The following LETM1 variants were observed in gnomAD, a reference collection of about 807,000 sequenced individuals.
The protein encoded by LETM1 is leucine zipper and EF-hand containing transmembrane protein 1.
In LETM1, 50 loss-of-function variants were observed where a neutral mutation model predicts 74.5. That is an observed-to-expected ratio of 0.67 (90% CI 0.53 to 0.85). The LOEUF (loss-of-function observed/expected upper bound fraction) is 0.85, where lower values mean the gene tolerates loss of function less well. Among genes scored for constraint, LETM1 ranks in the 40% least tolerant of loss-of-function variants. The probability of loss-of-function intolerance (pLI) is 0.00; values close to 1 mark genes in which losing one functional copy is unlikely to be tolerated. For missense variants in LETM1, 824 were observed against 967.8 expected (o/e 0.85, Z 1.97); for synonymous variants, 446 against 407.1 (o/e 1.10, Z -1.15).
Position 1,836,351 on chromosome 4 carries a change from GAA to G in LETM1, c.738+76_738+77del, listed in dbSNP as rs1438315948. On this transcript the variant is annotated intron_variant, in intron 4 of 13. Transcript: ENST00000302787. This position sits in a 1 kb window ranked among gnomAD's most constrained non-coding sequence, Gnocchi z 5.8. ...AAAGTCTCAAAAATATCTAGCACCT[GAA>G]AAGTCACAAACAAGGAAGCCATCAC... 1 of 1,462,034 alleles carries G rather than the reference GAA, an allele frequency of 6.8e-7. No individual in the cohort carries two copies. The allele number at this position is 1,462,034 out of a possible 1,614,324, so 90.6% of individuals were successfully genotyped here. A position where few individuals can be genotyped will look rare whatever the true frequency, so the allele number is the denominator to read the frequency against.
intron 5 of LETM1, 49 bp from the exon 6 acceptor site, chr4:1,832,996 C>G (rs75078419): frequency 3.2e-6 from 5 of 1,569,912 alleles, no homozygotes; most frequent in South Asian, 1.1e-5. Context: ...GCCCACCCGG[C>G]TCCCTCCCAC....
chr4:1,815,344 G>A (rs749267116), intron 13 of LETM1, among the ~76,000 whole-genome samples: 33 of 152,260 alleles, frequency 2.2e-4, no homozygotes, highest in South Asian at 6.2e-4. Flanking sequence ...GCCCCTCAGC[G>A]TCGGGGGCCC....
chr4:1,841,421 C>T lies in LETM1; in HGVS notation c.520G>A (p.Asp174Asn), dbSNP rs1465591490. 1.9e-6 allele frequency: 3 copies of T among 1,614,090 alleles called. No individual in the cohort carries two copies. The highest frequency in any genetic ancestry group is 1.7e-5 in the Admixed American group (1 of 60,014). The change falls in exon 3 of 14, where the codon GAC becomes AAC. Residue 174 changes from aspartate to asparagine, a missense_variant. Coordinates refer to ENST00000302787, the MANE Select transcript of LETM1 (RefSeq NM_012318.3). ...AGCATGCGTGCCGCGATCTTGGTGTCGATCCATAGCAGGCGGAAGCCATGG... is the reference window on the plus strand; with the variant it reads ...AGCATGCGTGCCGCGATCTTGGTGTTGATCCATAGCAGGCGGAAGCCATGG... ...YYHGFRLLWI[D>N]TKIAARMLWR...
intron 1 of LETM1, among the ~76,000 whole-genome samples, chr4:1,851,493 C>T (rs1393131632): frequency 6.6e-6 from 1 of 152,208 alleles, no homozygotes; most frequent in Non-Finnish European, 1.5e-5. Context: ...AAGGAAATTC[C>T]TACTACGTGC....
Position 1,836,358 on chromosome 4 carries a change from C to G in LETM1, c.738+71G>C. 1 of 1,519,736 alleles carries G rather than the reference C, an allele frequency of 6.6e-7. No individual in the cohort carries two copies. Among genetic ancestry groups the G allele is most frequent in the South Asian group, 1.1e-5 (1 of 88,438 alleles). The allele number at this position is 1,519,736 out of a possible 1,614,324, so 94.1% of individuals were successfully genotyped here. A position where few individuals can be genotyped will look rare whatever the true frequency, so the allele number is the denominator to read the frequency against. On this transcript the variant is annotated intron_variant, in intron 4 of 13. Transcript: ENST00000302787. The surrounding 1 kb of genome is among the most constrained non-coding windows in gnomAD (Gnocchi z 5.8). ...CAAAAATATCTAGCACCTGAAAAGT[C>G]ACAAACAAGGAAGCCATCACAATGA...
At chr4:1,854,313 C>G (rs1489354426) in intron 1 of LETM1, among the ~76,000 whole-genome samples, 1 of 148,258 alleles carries the variant, frequency 6.7e-6, no homozygotes, top group East Asian at 2.0e-4. Context: ...AACCCCATCT[C>G]TACTAAAAAT....
chr4:1,829,324 G>A (rs1175092764), intron 6 of LETM1, among the ~76,000 whole-genome samples: 11 of 147,520 alleles, frequency 7.5e-5, no homozygotes, highest in South Asian at 4.3e-4. Flanking sequence ...CCTCCCAGAC[G>A]GGGCGGCTGG....
At chr4:1,842,307 G>C (rs1029332349) in intron 2 of LETM1, among the ~76,000 whole-genome samples, 18 of 152,122 alleles carry the variant, frequency 1.2e-4, no homozygotes, top group Non-Finnish European at 1.8e-4. Context: ...CTCTACACTA[G>C]CTGCCCGCAG....
intron 1 of LETM1, among the ~76,000 whole-genome samples, chr4:1,853,901 T>C (rs1450451919): frequency 6.6e-6 from 1 of 152,236 alleles, no homozygotes; most frequent in Non-Finnish European, 1.5e-5. Context: ...CCAGTGTCCC[T>C]GTCACAAAGC....
At chr4:1,840,406 G>A (rs974097394) in intron 3 of LETM1, among the ~76,000 whole-genome samples, 56 of 151,668 alleles carry the variant, frequency 3.7e-4, no homozygotes, top group Admixed American at 2.2e-3. Flanking sequence ...GGTGGTTCAC[G>A]CCTGTAATCC....
chr4:1,815,514 T>G lies in LETM1; in HGVS notation c.2070+150A>C, dbSNP rs113132601. 44 of 717,690 alleles carry G rather than the reference T, an allele frequency of 6.1e-5. No individual in the cohort carries two copies. In the African/African-American group the frequency reaches 7.5e-4, roughly 12 times the overall value. 44.5% of individuals were successfully genotyped at this position (717,690 alleles called of 1,614,324 possible). ...GATGTTTCAAATGAGAGCAGCGGCTTAAAGGAGCAGTCGCAGTGACAGACC... is the reference window on the plus strand; with the variant it reads ...GATGTTTCAAATGAGAGCAGCGGCTGAAAGGAGCAGTCGCAGTGACAGACC... On this transcript the variant is annotated intron_variant, in intron 13 of 13. Transcript: ENST00000302787.
At chr4:1,852,996 T>A (rs1476599428) in intron 1 of LETM1, among the ~76,000 whole-genome samples, 1 of 152,180 alleles carries the variant, frequency 6.6e-6, no homozygotes, top group East Asian at 1.9e-4. Context: ...AGAGCCTCCC[T>A]ACCTGACCTC....
At position 1,813,935 on chromosome 4, in the gene LETM1, T is replaced by G; in HGVS notation, c.*489A>C. ...AAAGTGTGCAGGAAGACAGGTCTAT[T>G]GACACTGAAATCTAGAAATCAAGGT... On this transcript the variant is annotated 3_prime_UTR_variant, in exon 14 of 14. Transcript: ENST00000302787. 1 of 177,680 alleles carries G rather than the reference T, an allele frequency of 5.6e-6. No homozygotes were observed. The highest frequency in any genetic ancestry group is 5.4e-5 in the Admixed American group (1 of 18,666). The allele number at this position is 177,680 out of a possible 1,614,324, so 11.0% of individuals were successfully genotyped here.
intron 2 of LETM1, among the ~76,000 whole-genome samples, chr4:1,844,079 G>A (rs904507443): frequency 3.9e-5 from 6 of 152,206 alleles, no homozygotes; most frequent in Non-Finnish European, 7.3e-5. Flanking sequence ...AGCAGTCACG[G>A]GGTGTCGACA....
chr4:1,813,169 G>C lies in LETM1; in HGVS notation c.*1255C>G, dbSNP rs1349812085. ...GAGAAATATCTCCTGTTCCTATTTT[G>C]TCAAGTTTCTTTAATGGCTGAACAG... On this transcript the variant is annotated 3_prime_UTR_variant, in exon 14 of 14. Transcript: ENST00000302787. 2 of 152,382 alleles carry C rather than the reference G, an allele frequency of 1.3e-5. No individual in the cohort carries two copies. The highest frequency in any genetic ancestry group is 2.9e-5 in the Non-Finnish European group (2 of 68,048). 9.4% of individuals were successfully genotyped at this position (152,382 alleles called of 1,614,324 possible).
intron 2 of LETM1, among the ~76,000 whole-genome samples, chr4:1,844,757 T>C (rs898951852): frequency 2.0e-5 from 3 of 149,226 alleles, no homozygotes; most frequent in Non-Finnish European, 3.0e-5. Context: ...AAAAAAAAAA[T>C]GCTCTATCAG....
At chr4:1,853,964 T>C (rs1713152895) in intron 1 of LETM1, among the ~76,000 whole-genome samples, 2 of 152,160 alleles carry the variant, frequency 1.3e-5, no homozygotes, top group Non-Finnish European at 2.9e-5. Flanking sequence ...GAATCGCACA[T>C]AAAAAGCTAA....
chr4:1,839,444 T>C (rs1397374970), intron 3 of LETM1: 2 of 152,204 alleles, frequency 1.3e-5, no homozygotes, highest in Non-Finnish European at 2.9e-5. Flanking sequence ...ATCAAGAGGG[T>C]GAAGGCATCG....
chr4:1,833,859 C>T (rs931782577), intron 5 of LETM1: 1 of 152,278 alleles, frequency 6.6e-6, no homozygotes, highest in Non-Finnish European at 1.5e-5. Flanking sequence ...ATGCAGCACA[C>T]CCCCGTGCAG....
Sources: gnomAD v4.1 joint callset for allele counts (sites outside exome capture counted in the v4.1 genomes callset) on GRCh38, gnomAD v4.1.1 for gene constraint, Gnocchi (gnomAD v3.1) non-coding constraint, MANE v1.5 for transcripts, NCBI Gene and HGNC (gene_info 2026-07-23, HGNC 2026-07-21) for gene names.